The following MTA3 variants were observed in gnomAD, a reference collection of about 807,000 sequenced individuals.
MTA3 encodes the protein metastasis associated 1 family member 3.
A neutral mutation model predicts 83.5 loss-of-function variants in MTA3; 34 were observed. The ratio of observed to expected loss-of-function variants is 0.41; its 90% CI spans 0.31 to 0.54. MTA3 has a LOEUF of 0.54. MTA3 is among the 20% of genes least tolerant of loss of function. The pLI, the probability that MTA3 is intolerant of heterozygous loss-of-function variation, is 0.33. For synonymous variants in MTA3, 303 were observed against 252.7 expected, an observed-to-expected ratio of 1.20 and a Z score of -1.89; for missense variants, 761 against 726.4, an observed-to-expected ratio of 1.05 and a Z score of -0.55.
intron 2 of MTA3, among the ~76,000 whole-genome samples, chr2:42,560,589 C>T (rs1454277649): frequency 2.7e-5 from 4 of 149,280 alleles, no homozygotes; most frequent in African/African-American, 1.0e-4. Context: ...AAAAAACAAA[C>T]AAAACACACA....
At chr2:42,617,578 AC>A (rs1263607742) in intron 4 of MTA3, among the ~76,000 whole-genome samples, 1 of 151,980 alleles carries the variant, frequency 6.6e-6, no homozygotes, top group Non-Finnish European at 1.5e-5. Flanking sequence ...TTGGGAGGTC[AC>A]CAGCCTGACC....
In MTA3 at chr2:42,736,252, T is replaced by C. The variant is rs1196494486; in HGVS notation, c.1759+13217T>C. On this transcript the variant is annotated intron_variant, in intron 16 of 16. Coordinates refer to ENST00000405094, the MANE Select transcript of MTA3 (RefSeq NM_001330442.2). ...TCCCTGGATTACTAGGTGGAGACTCTTGTTCTCTTCTTTTACTTTCACTCA... is the reference window on the plus strand; with the variant it reads ...TCCCTGGATTACTAGGTGGAGACTCCTGTTCTCTTCTTTTACTTTCACTCA... Among the ~76,000 whole-genome samples, 4 of 152,204 alleles carry C rather than the reference T, an allele frequency of 2.6e-5. 1 individual carries two copies. Among genetic ancestry groups the C allele is most frequent in the African/African-American group, 9.6e-5 (4 of 41,454 alleles).
intron 4 of MTA3, among the ~76,000 whole-genome samples, chr2:42,636,699 T>C (rs1041488266): frequency 1.3e-5 from 2 of 148,508 alleles, no homozygotes; most frequent in Non-Finnish European, 3.0e-5. Context: ...CGATCTCGGC[T>C]CACTGCAACC....
intron 3 of MTA3, among the ~76,000 whole-genome samples, chr2:42,580,597 C>T (rs1679510577): frequency 6.6e-6 from 1 of 151,882 alleles, no homozygotes; most frequent in Admixed American, 6.6e-5. Context: ...GTCTGGAACT[C>T]CTGACCTCAT....
At chr2:42,593,584 A>AG (rs1397160293) in intron 3 of MTA3, among the ~76,000 whole-genome samples, 1 of 152,152 alleles carries the variant, frequency 6.6e-6, no homozygotes, top group East Asian at 1.9e-4. Context: ...TATAACCTTA[A>AG]GGGACCGTTG....
At chr2:42,689,094 G>A (rs1231265301) in intron 9 of MTA3, among the ~76,000 whole-genome samples, 1 of 152,096 alleles carries the variant, frequency 6.6e-6, no homozygotes, top group East Asian at 1.9e-4. Context: ...TTGTGATTAT[G>A]GAATGTTTAT....
intron 9 of MTA3, among the ~76,000 whole-genome samples, chr2:42,685,858 A>G (rs1692324055): frequency 6.6e-6 from 1 of 152,218 alleles, no homozygotes; most frequent in African/African-American, 2.4e-5. Flanking sequence ...CTTTCCCTCC[A>G]TACTTATAAA....
intron 16 of MTA3, among the ~76,000 whole-genome samples, chr2:42,740,185 A>C (rs533674482): frequency 6.6e-6 from 1 of 152,248 alleles, no homozygotes; most frequent in African/African-American, 2.4e-5. Context: ...TAGCCTTACA[A>C]AATGTATTTC....
At chr2:42,596,810 T>A (rs1464733619) in intron 3 of MTA3, among the ~76,000 whole-genome samples, 1 of 152,218 alleles carries the variant, frequency 6.6e-6, no homozygotes, top group Non-Finnish European at 1.5e-5. Flanking sequence ...TGTGACTAGT[T>A]GATTGAAAAT....
intron 13 of MTA3, 71 bp from the exon 14 acceptor site, chr2:42,708,803 G>A (rs1666335885): frequency 6.6e-7 from 1 of 1,515,930 alleles, no homozygotes. Context: ...TTTCTTTTGA[G>A]CATGATGCAA....
At chr2:42,712,302 A>AT (rs959221392) in intron 14 of MTA3, among the ~76,000 whole-genome samples, 16 of 148,680 alleles carry the variant, frequency 1.1e-4, no homozygotes, top group South Asian at 2.1e-4. Flanking sequence ...ATATATAGGA[A>AT]TTTTTTTTTT....
intron 9 of MTA3, among the ~76,000 whole-genome samples, chr2:42,683,715 A>G (rs1272164168): frequency 6.6e-6 from 1 of 152,130 alleles, no homozygotes; most frequent in African/African-American, 2.4e-5. Flanking sequence ...ACAGTTCACA[A>G]TAGGGTTCAT....
intron 7 of MTA3, among the ~76,000 whole-genome samples, chr2:42,658,624 C>A (rs1689392085): frequency 6.6e-6 from 1 of 152,050 alleles, no homozygotes; most frequent in African/African-American, 2.4e-5. Context: ...GGTGGTGGTT[C>A]CCTGTGGAAA....
At chr2:42,519,437 C>G (rs959667415) in intron 2 of MTA3, among the ~76,000 whole-genome samples, 6 of 151,772 alleles carry the variant, frequency 4.0e-5, no homozygotes, top group African/African-American at 1.5e-4. Flanking sequence ...GAAACCCCCT[C>G]TCTACCAAAA....
chr2:42,541,929 C>T (rs1320627698), intron 2 of MTA3, among the ~76,000 whole-genome samples: 1 of 152,114 alleles, frequency 6.6e-6, no homozygotes, highest in Non-Finnish European at 1.5e-5. Flanking sequence ...CTGCTCAGGC[C>T]AGGAATACTG....
chr2:42,537,195 T>A (rs1299056801), intron 2 of MTA3, among the ~76,000 whole-genome samples: 1 of 152,144 alleles, frequency 6.6e-6, no homozygotes, highest in East Asian at 1.9e-4. Context: ...TCTAAAGATA[T>A]TGGCCTGAAT....
chr2:42,632,433 G>C (rs745589666), intron 4 of MTA3, among the ~76,000 whole-genome samples: 2 of 152,060 alleles, frequency 1.3e-5, no homozygotes, highest in South Asian at 2.1e-4. Context: ...CACAAGTACT[G>C]TACTCCATAT....
In MTA3 at chr2:42,572,933, G is replaced by A. The variant is rs1413662565; in HGVS notation, c.96+2429G>A. On this transcript the variant is annotated intron_variant, in intron 2 of 16. Transcript: ENST00000405094. ...ATTAGAGACAGAGTTTCACCATGTT[G>A]GTTGGGCTGGCCTTGAACTCCTGAC... Among the ~76,000 whole-genome samples, 7 of 152,178 alleles carry A rather than the reference G, an allele frequency of 4.6e-5. No homozygotes were observed. The East Asian group carries it at 1.2e-3, about 25-fold the overall frequency.
chr2:42,658,332 C>T (rs941116373), intron 7 of MTA3, among the ~76,000 whole-genome samples: 2 of 152,108 alleles, frequency 1.3e-5, no homozygotes, highest in Non-Finnish European at 2.9e-5. Context: ...AGCAGAAATG[C>T]ATATACCTTT....
Sources: allele counts gnomAD v4.1 joint callset (sites outside exome capture counted in the v4.1 genomes callset), GRCh38; gene constraint gnomAD v4.1.1; transcripts MANE v1.5; gene names NCBI Gene and HGNC (gene_info 2026-07-23, HGNC 2026-07-21).